The following NPR2 variants were observed in gnomAD, a reference collection of about 807,000 sequenced individuals.
The protein encoded by NPR2 is natriuretic peptide receptor 2.
In NPR2, 49 loss-of-function variants were observed where a neutral mutation model predicts 120.7. That is an observed-to-expected ratio of 0.41 (90% confidence interval 0.32 to 0.52). NPR2 has a LOEUF of 0.52. Ranked by LOEUF, NPR2 falls within the 20% of genes least tolerant of loss-of-function variation. NPR2 has a pLI of 0.36. For missense variants in NPR2, 931 were observed against 1,362.9 expected (o/e 0.68, Z 4.99); for synonymous variants, 484 against 519.8 (o/e 0.93, Z 0.94).
At chr9:35,804,287 G>A (rs979663648) in intron 12 of NPR2, among the ~76,000 whole-genome samples, 2 of 150,140 alleles carry the variant, frequency 1.3e-5, no homozygotes, top group East Asian at 1.9e-4. Flanking sequence ...AGGCTAGAGT[G>A]TAGTGGCTAG....
chr9:35,807,428 G>A (rs746846270), intron 18 of NPR2, 30 bp downstream of exon 18: 21 of 1,551,962 alleles, frequency 1.4e-5, no homozygotes, highest in Middle Eastern at 1.7e-4. Flanking sequence ...TTCAATAGAA[G>A]ACCCTTTAAT....
rs1406541290 is a variant in NPR2, at chr9:35,805,746, G to A, written c.2047+76G>A. 1.2e-6 allele frequency: 2 copies of A among 1,608,432 alleles called. No individual in the cohort carries two copies. Among genetic ancestry groups the A allele is most frequent in the African/African-American group, 1.3e-5 (1 of 74,798 alleles). On this transcript the variant is annotated intron_variant, in intron 13 of 21. Transcript: ENST00000342694. This position sits in a 1 kb window ranked among gnomAD's most constrained non-coding sequence, Gnocchi z 4.9. ...AGGGATGGTGGGAGAGGGAGGTGGA[G>A]TGACAGTAATATAGGGATGAGCCCA...
intron 7 of NPR2, 114 bp from the exon 8 acceptor site, chr9:35,801,529 C>G (rs774686287): frequency 4.6e-6 from 5 of 1,093,156 alleles, no homozygotes; most frequent in Non-Finnish European, 7.1e-6. Flanking sequence ...CCCTGTCTCT[C>G]AGGTGTAACA....
At chr9:35,801,530 A>G in intron 7 of NPR2, 113 bp from the exon 8 acceptor site, 1 of 1,092,008 alleles carries the variant, frequency 9.2e-7, no homozygotes, top group Non-Finnish European at 1.4e-6. Context: ...CCTGTCTCTC[A>G]GGTGTAACAG....
chr9:35,800,453 C>T lies in NPR2; in HGVS notation c.1188C>T (p.Ala396=). The change falls in exon 5 of 22, where the codon GCC becomes GCT. Residue 396 remains alanine, a synonymous_variant. Transcript: ENST00000342694. The surrounding 1 kb of genome is among the most constrained non-coding windows in gnomAD (Gnocchi z 4.7). ...NDRETDFVLW[A]MGDLDSGDFQ... ...GAGAGACTGACTTTGTCCTCTGGGC[C>T]ATGGGAGACCTGGATTCTGGGGACT... 6.2e-7 allele frequency: 1 copy of T among 1,613,952 alleles called. No homozygotes were observed. The highest frequency in any genetic ancestry group is 8.5e-7 in the Non-Finnish European group (1 of 1,179,896).
intron 2 of NPR2, among the ~76,000 whole-genome samples, chr9:35,798,435 T>C (rs1828012808): frequency 6.6e-6 from 1 of 152,234 alleles, no homozygotes; most frequent in Admixed American, 6.5e-5. Context: ...TAATGATATC[T>C]TGAGGCAAGC....
At chr9:35,795,441 C>T (rs1296066662) in intron 2 of NPR2, among the ~76,000 whole-genome samples, 1 of 152,204 alleles carries the variant, frequency 6.6e-6, no homozygotes, top group East Asian at 1.9e-4. Flanking sequence ...TATGGGATAA[C>T]CTTAAAGTCC....
Position 35,802,460 on chromosome 9 carries a change from C to A in NPR2, c.1711-43C>A. 2 of 1,188,878 alleles carry A rather than the reference C, an allele frequency of 1.7e-6. No individual in the cohort carries two copies. The highest frequency in any genetic ancestry group is 2.5e-6 in the Non-Finnish European group (2 of 791,588). 73.6% of individuals were successfully genotyped at this position (1,188,878 alleles called of 1,614,324 possible). On this transcript the variant is annotated intron_variant, in intron 10 of 21. Transcript: ENST00000342694. This position sits in a 1 kb window ranked among gnomAD's most constrained non-coding sequence, Gnocchi z 4.2. Reference sequence around the variant, plus strand: ...GTAAGTTTCTGTATCTAATTTTTAACTCTTTCAATTTTCTTATCCTTCCCA... The same window carrying A: ...GTAAGTTTCTGTATCTAATTTTTAAATCTTTCAATTTTCTTATCCTTCCCA...
In NPR2 at chr9:35,805,496, A is replaced by G. The variant is rs1828333753; in HGVS notation, c.1888-15A>G. On this transcript the variant is annotated splice_polypyrimidine_tract_variant and intron_variant, in intron 12 of 21. Coordinates refer to ENST00000342694, the MANE Select transcript of NPR2 (RefSeq NM_003995.4). The surrounding 1 kb of genome is among the most constrained non-coding windows in gnomAD (Gnocchi z 4.9). ...AGATATGATCCAATCCCATGACTTG[A>G]TCTGTACCCTGCAGGGCATGGCCTT... 6.2e-7 allele frequency: 1 copy of G among 1,613,864 alleles called. No homozygotes were observed. Among genetic ancestry groups the G allele is most frequent in the African/African-American group, 1.3e-5 (1 of 74,918 alleles).
intron 2 of NPR2, among the ~76,000 whole-genome samples, chr9:35,794,504 C>T (rs1022437712): frequency 6.6e-6 from 1 of 152,200 alleles, no homozygotes; most frequent in African/African-American, 2.4e-5. Context: ...TGTCCTGGAA[C>T]AGACACTAAG....
In NPR2 at chr9:35,800,586, T is replaced by C. The variant is rs1198290908; in HGVS notation, c.1218+103T>C. On this transcript the variant is annotated intron_variant, in intron 5 of 21. Coordinates refer to ENST00000342694, the MANE Select transcript of NPR2 (RefSeq NM_003995.4). The surrounding 1 kb of genome is among the most constrained non-coding windows in gnomAD (Gnocchi z 4.7). The stretch of plus-strand genomic sequence containing the variant: ...AAACTACTAGATGAGGGATTTGTTT[T>C]CTCTGCTGGCACTGCATCCTGGCTG... 2 of 1,583,426 alleles carry C rather than the reference T, an allele frequency of 1.3e-6. No individual in the cohort carries two copies. Among genetic ancestry groups the C allele is most frequent in the African/African-American group, 1.3e-5 (1 of 74,272 alleles).
At position 35,800,610 on chromosome 9, in the gene NPR2, TG is replaced by T; in HGVS notation, c.1219-96del. 3 of 1,601,780 alleles carry T rather than the reference TG, an allele frequency of 1.9e-6. No homozygotes were observed. Among genetic ancestry groups the T allele is most frequent in the Non-Finnish European group, 2.6e-6 (3 of 1,169,678 alleles). On this transcript the variant is annotated intron_variant, in intron 5 of 21. Coordinates refer to ENST00000342694, the MANE Select transcript of NPR2 (RefSeq NM_003995.4). The surrounding 1 kb of genome is among the most constrained non-coding windows in gnomAD (Gnocchi z 4.7). Reference sequence around the variant, plus strand: ...TTCTCTGCTGGCACTGCATCCTGGCTGGGTGGTAGGCTGGGGAGAAAAGCAG... The same window carrying T: ...TTCTCTGCTGGCACTGCATCCTGGCTGGTGGTAGGCTGGGGAGAAAAGCAG...
rs750964968 is a variant in NPR2 at position 35,801,597 on chromosome 9, G to A, written c.1437-46G>A. On this transcript the variant is annotated intron_variant, in intron 7 of 21. Transcript: ENST00000342694. Reference sequence around the variant, plus strand: ...GCAACCCTGCTGTTGGCTTGGGGGTGGCAGGATTCGGCTTGCCAGTCAACT... The same window carrying A: ...GCAACCCTGCTGTTGGCTTGGGGGTAGCAGGATTCGGCTTGCCAGTCAACT... 3 of 1,612,676 alleles carry A rather than the reference G, an allele frequency of 1.9e-6. No individual in the cohort carries two copies. In the South Asian group the frequency reaches 3.3e-5, roughly 18 times the overall value.
rs772510686 is a variant in NPR2, at chr9:35,802,217, C to G, written c.1644C>G (p.Val548=). 3.1e-6 allele frequency: 5 copies of G among 1,603,356 alleles called. No homozygotes were observed. Among genetic ancestry groups the G allele is most frequent in the Non-Finnish European group, 8.5e-7 (1 of 1,170,442 alleles). Residue 548 remains valine (V), a synonymous_variant, in exon 10 of 22, where the codon GTC becomes GTG. Transcript: ENST00000342694. The surrounding 1 kb of genome is among the most constrained non-coding windows in gnomAD (Gnocchi z 4.2). ...ACTCCCACCATCAGGGAAATGTTGT[C>G]GCCATCAAACATGTGAATAAGAAGC... is the stretch of plus-strand genomic sequence containing the variant. ...ANTGHFKGNV[V]AIKHVNKKRI...
Position 35,806,039 on chromosome 9 carries a change from T to A in NPR2, c.2204-26T>A. On this transcript the variant is annotated intron_variant, in intron 14 of 21. Coordinates refer to ENST00000342694, the MANE Select transcript of NPR2 (RefSeq NM_003995.4). This position sits in a 1 kb window ranked among gnomAD's most constrained non-coding sequence, Gnocchi z 4.6. ...CTTCTTCCTGGGGGAACTCTGTTCTTCATCCAAACCTTTGATCACCCTCAG... is the reference window on the plus strand; with the variant it reads ...CTTCTTCCTGGGGGAACTCTGTTCTACATCCAAACCTTTGATCACCCTCAG... 1 of 1,614,172 alleles carries A rather than the reference T, an allele frequency of 6.2e-7. No individual in the cohort carries two copies. The highest frequency in any genetic ancestry group is 8.5e-7 in the Non-Finnish European group (1 of 1,180,026).
chr9:35,801,841 T>A, intron 8 of NPR2, 78 bp downstream of exon 8: 1 of 1,608,434 alleles, frequency 6.2e-7, no homozygotes, highest in South Asian at 1.1e-5. Flanking sequence ...TCCCAGCACA[T>A]TGGCTTGTAA....
At position 35,808,711 on chromosome 9, in the gene NPR2, G is replaced by A; in HGVS notation, c.2887+28G>A. ...AAGGCTGACTCTCACTCCAGCCCTA[G>A]TCTCCACCTTTCCCAGACTCTCCCA... On this transcript the variant is annotated intron_variant, in intron 19 of 21. Coordinates refer to ENST00000342694, the MANE Select transcript of NPR2 (RefSeq NM_003995.4). The surrounding 1 kb of genome is among the most constrained non-coding windows in gnomAD (Gnocchi z 4.0). The A allele has an allele frequency of 6.2e-7, 1 of 1,612,912 alleles. No homozygotes were observed. The highest frequency in any genetic ancestry group is 8.5e-7 in the Non-Finnish European group (1 of 1,178,904).
At position 35,808,465 on chromosome 9, in the gene NPR2, A is replaced by G; in HGVS notation, c.2713-44A>G. On this transcript the variant is annotated intron_variant, in intron 18 of 21. Coordinates refer to ENST00000342694, the MANE Select transcript of NPR2 (RefSeq NM_003995.4). This position sits in a 1 kb window ranked among gnomAD's most constrained non-coding sequence, Gnocchi z 4.0. ...TCTCCCTCTACTTTTTCCCATCCCC[A>G]TGGATATAAATAGAGGTGACCTTTT... is the stretch of plus-strand genomic sequence containing the variant. The G allele has an allele frequency of 1.9e-6, 3 of 1,600,638 alleles. No homozygotes were observed. The highest frequency in any genetic ancestry group is 1.3e-5 in the African/African-American group (1 of 74,766).
At chr9:35,793,394 A>G (rs576470278) in intron 1 of NPR2, among the ~76,000 whole-genome samples, 1 of 152,324 alleles carries the variant, frequency 6.6e-6, no homozygotes, top group African/African-American at 2.4e-5. Context: ...TGTGATTGAT[A>G]GCCACTCTGA....
Sources: allele counts gnomAD v4.1 joint callset (sites outside exome capture counted in the v4.1 genomes callset), GRCh38; gene constraint gnomAD v4.1.1; non-coding constraint Gnocchi (gnomAD v3.1); transcripts MANE v1.5; gene names NCBI Gene and HGNC (gene_info 2026-07-23, HGNC 2026-07-21).